Variants in KCNA4 observed in about 807,000 individuals in gnomAD.
The protein encoded by KCNA4 is cardiac potassium channel.
In KCNA4, 5 loss-of-function variants were observed where a neutral mutation model predicts 37.2. The ratio of observed to expected loss-of-function variants is 0.13; its 90% CI spans 0.07 to 0.28. The LOEUF (loss-of-function observed/expected upper bound fraction) is 0.28, where lower values mean the gene tolerates loss of function less well. Among genes scored for constraint, KCNA4 ranks in the 10% least tolerant of loss-of-function variants. The pLI, the probability that KCNA4 is intolerant of heterozygous loss-of-function variation, is 1.00. For missense variants in KCNA4, 634 were observed against 817.4 expected, an observed-to-expected ratio of 0.78 and a Z score of 2.74; for synonymous variants, 350 against 311.8, an observed-to-expected ratio of 1.12 and a Z score of -1.29.
In KCNA4 at chr11:30,011,464, G is replaced by A; in HGVS notation, c.1215C>T (p.Asn405=). The A allele has an allele frequency of 2.5e-6, 4 of 1,614,170 alleles. No homozygotes were observed. Among genetic ancestry groups the A allele is most frequent in the Admixed American group, 3.3e-5 (2 of 60,026 alleles). Residue 405 remains asparagine (N), a synonymous_variant, in exon 2 of 2, where the codon AAC becomes AAT. Transcript: ENST00000328224. This position sits in a 1 kb window ranked among gnomAD's most constrained non-coding sequence, Gnocchi z 5.6. ...SQALFFKNIM[N]IIDIVSILPY... ...GCAAAATGGAGACAATGTCAATGAT[G>A]TTCATGATGTTTTTGAAGAAGAGTG...
rs1216291541 is a variant in KCNA4 at position 30,010,723 on chromosome 11, A to C, written c.1956T>G (p.Asp652Glu). The change falls in exon 2 of 2, where the codon GAT becomes GAG. Residue 652 changes from aspartate to glutamate, a missense_variant. Physicochemically the swap from Asp to Glu is conservative, Grantham distance 45 (BLOSUM62 2). Coordinates refer to ENST00000328224, the MANE Select transcript of KCNA4 (RefSeq NM_002233.4). ...GTGGCAGGTGGAAAAAGATTCACACATCAGTCTCCACAGCCTTTGCATTAG... is the reference window on the plus strand; with the variant it reads ...GTGGCAGGTGGAAAAAGATTCACACCTCAGTCTCCACAGCCTTTGCATTAG... The part of the protein sequence containing the change: ...NCSNAKAVET[D>E]V 2 of 1,595,606 alleles carry C rather than the reference A, an allele frequency of 1.3e-6. No homozygotes were observed. Among genetic ancestry groups the C allele is most frequent in the East Asian group, 4.5e-5 (2 of 44,776 alleles).
chr11:30,015,201 G>A (rs1018370412), intron 1 of KCNA4, among the ~76,000 whole-genome samples: 1 of 152,116 alleles, frequency 6.6e-6, no homozygotes, highest in African/African-American at 2.4e-5. Flanking sequence ...ACTCTGAAAT[G>A]TTTACCCTCA....
intron 1 of KCNA4, among the ~76,000 whole-genome samples, chr11:30,016,104 C>T (rs1472807830): frequency 6.6e-6 from 1 of 152,072 alleles, no homozygotes; most frequent in Non-Finnish European, 1.5e-5. Context: ...TATGCAGCCC[C>T]TATGTATGTT....
rs769759686 is a variant in KCNA4, at chr11:30,011,220, T to C, written c.1459A>G (p.Ile487Val). The C allele has an allele frequency of 2.0e-5, 33 of 1,613,944 alleles. No individual in the cohort carries two copies. Among genetic ancestry groups the C allele is most frequent in the Non-Finnish European group, 2.7e-5 (32 of 1,180,030 alleles). The change falls in exon 2 of 2, where the codon ATT becomes GTT. Residue 487 changes from isoleucine (I) to valine (V), a missense_variant. Physicochemically the swap from Ile to Val is conservative, Grantham distance 29. Coordinates refer to ENST00000328224, the MANE Select transcript of KCNA4 (RefSeq NM_002233.4). The surrounding 1 kb of genome is among the most constrained non-coding windows in gnomAD (Gnocchi z 5.6). ...ELGLLIFFLF[I>V]GVILFSSAVY... ...GCACTAGAAAAGAGGATGACCCCAATGAAGAGGAAGAAGATCAGAAGGCCC... is the reference window on the plus strand; with the variant it reads ...GCACTAGAAAAGAGGATGACCCCAACGAAGAGGAAGAAGATCAGAAGGCCC...
intron 1 of KCNA4, among the ~76,000 whole-genome samples, chr11:30,014,315 T>C (rs1850332398): frequency 6.6e-6 from 1 of 152,128 alleles, no homozygotes; most frequent in African/African-American, 2.4e-5. Flanking sequence ...CATGTCCCCA[T>C]TGTTTTTCTG....
At chr11:30,013,729 G>T (rs1850327286) in intron 1 of KCNA4, among the ~76,000 whole-genome samples, 1 of 151,998 alleles carries the variant, frequency 6.6e-6, no homozygotes, top group Admixed American at 6.6e-5. Context: ...GGCCCACATG[G>T]CTCTTGCTTC....
In KCNA4 at chr11:30,012,592, C is replaced by T; in HGVS notation, c.87G>A (p.Glu29=). The change falls in exon 2 of 2, where the codon GAG becomes GAA. Residue 29 remains glutamate, a synonymous_variant. Coordinates refer to ENST00000328224, the MANE Select transcript of KCNA4 (RefSeq NM_002233.4). ...CCCTGGAGTGAGCAAGCCTCTCCCG[C>T]TCCCGGGCCCGGGCCTGGGCAGCAT... is the stretch of plus-strand genomic sequence containing the variant. ...YGYAAQARAR[E]RERLAHSRAA... The T allele has an allele frequency of 6.2e-7, 1 of 1,607,998 alleles. No individual in the cohort carries two copies. The highest frequency in any genetic ancestry group is 2.2e-5 in the East Asian group (1 of 44,812).
chr11:30,015,357 A>C (rs1042015219), intron 1 of KCNA4, among the ~76,000 whole-genome samples: 2 of 152,124 alleles, frequency 1.3e-5, no homozygotes, highest in Non-Finnish European at 2.9e-5. Flanking sequence ...AAACAATTAT[A>C]ATTTCAATGA....
chr11:30,013,995 T>G (rs1016979770), intron 1 of KCNA4, among the ~76,000 whole-genome samples: 2 of 152,228 alleles, frequency 1.3e-5, no homozygotes, highest in African/African-American at 4.8e-5. Flanking sequence ...TGAATGCACT[T>G]CAGTCACCTC....
chr11:30,015,294 G>T (rs762826449), intron 1 of KCNA4, among the ~76,000 whole-genome samples: 1 of 152,072 alleles, frequency 6.6e-6, no homozygotes, highest in East Asian at 1.9e-4. Flanking sequence ...TTTCAAGACC[G>T]GTACAGACCA....
In KCNA4 at chr11:30,012,834, GT is replaced by G; in HGVS notation, c.-157del. 1 of 1,156,156 alleles carries G rather than the reference GT, an allele frequency of 8.6e-7. No homozygotes were observed. Among genetic ancestry groups the G allele is most frequent in the Non-Finnish European group, 1.2e-6 (1 of 850,908 alleles). The allele number at this position is 1,156,156 out of a possible 1,614,324, so 71.6% of individuals were successfully genotyped here. A position where few individuals can be genotyped will look rare whatever the true frequency, so the allele number is the denominator to read the frequency against. On this transcript the variant is annotated 5_prime_UTR_variant, in exon 2 of 2. It removes the in-frame stop codon of an upstream open reading frame in the 5' UTR. Transcript: ENST00000328224. ...TTTTCAGTCCAACTTTGCATTTTCT[GT>G]TTTTAAATCAGCACGCCCCATGCTC...
chr11:30,011,397 C>T lies in KCNA4; in HGVS notation c.1282G>A (p.Gly428Arg). The T allele has an allele frequency of 6.2e-7, 1 of 1,614,100 alleles. No homozygotes were observed. Among genetic ancestry groups the T allele is most frequent in the South Asian group, 1.1e-5 (1 of 91,072 alleles). The change falls in exon 2 of 2, where the codon GGG becomes AGG. Residue 428 changes from glycine (G) to arginine (R), a missense_variant. Physicochemically the swap from Gly to Arg is moderately radical, Grantham distance 125 (BLOSUM62 -2). Around this residue, in one of 8 missense-constraint regions of KCNA4, gnomAD observed 252 missense variants for 344.2 expected, o/e 0.73. Transcript: ENST00000328224. This position sits in a 1 kb window ranked among gnomAD's most constrained non-coding sequence, Gnocchi z 5.6. ...TGCTGCTGCTGACCATTGCCACCCCCCTGTTGCTGGGCCAGGTCAGTGCCC... is the reference window on the plus strand; with the variant it reads ...TGCTGCTGCTGACCATTGCCACCCCTCTGTTGCTGGGCCAGGTCAGTGCCC... ...TLGTDLAQQQ[G>R]GGNGQQQQAM...
chr11:30,011,485 G>A lies in KCNA4; in HGVS notation c.1194C>T (p.Leu398=). The change falls in exon 2 of 2, where the codon CTC becomes CTT. Residue 398 remains leucine, a synonymous_variant. Coordinates refer to ENST00000328224, the MANE Select transcript of KCNA4 (RefSeq NM_002233.4). This position sits in a 1 kb window ranked among gnomAD's most constrained non-coding sequence, Gnocchi z 5.6. Reference sequence around the variant, plus strand: ...TGATGTTCATGATGTTTTTGAAGAAGAGTGCTTGGCTGGGACAAGCAAAGC... The same window carrying A: ...TGATGTTCATGATGTTTTTGAAGAAAAGTGCTTGGCTGGGACAAGCAAAGC... ...VRCFACPSQA[L]FFKNIMNIID... 6.2e-7 allele frequency: 1 copy of A among 1,614,136 alleles called. No homozygotes were observed. The highest frequency in any genetic ancestry group is 1.3e-5 in the African/African-American group (1 of 75,028).
Position 30,013,257 on chromosome 11 carries a change from T to C in KCNA4, c.-579A>G, listed in dbSNP as rs1328586702. On this transcript the variant is annotated 5_prime_UTR_variant, in exon 2 of 2. Coordinates refer to ENST00000328224, the MANE Select transcript of KCNA4 (RefSeq NM_002233.4). The stretch of plus-strand genomic sequence containing the variant: ...TCTACTCAAAGTCTATCAGGATGAT[T>C]CTCCAGGCTCTCCTTTTAAGTTCAT... The C allele has an allele frequency of 1.2e-5, 2 of 167,154 alleles. No homozygotes were observed. Among genetic ancestry groups the C allele is most frequent in the East Asian group, 3.9e-4 (2 of 5,194 alleles). 10.4% of individuals were successfully genotyped at this position (167,154 alleles called of 1,614,324 possible). A position where few individuals can be genotyped will look rare whatever the true frequency, so the allele number is the denominator to read the frequency against.
At chr11:30,016,300 G>A (rs969143095) in intron 1 of KCNA4, 1 of 151,836 alleles carries the variant, frequency 6.6e-6, no homozygotes, top group African/African-American at 2.4e-5. Flanking sequence ...TCCAGACCTC[G>A]GTTCCCGCTC....
Position 30,010,623 on chromosome 11 carries a change from G to T in KCNA4, c.*94C>A, listed in dbSNP as rs890575692. The T allele has an allele frequency of 1.3e-6, 2 of 1,508,282 alleles. No homozygotes were observed. The highest frequency in any genetic ancestry group is 1.8e-6 in the Non-Finnish European group (2 of 1,128,526). The allele number at this position is 1,508,282 out of a possible 1,614,324, so 93.4% of individuals were successfully genotyped here. A position where few individuals can be genotyped will look rare whatever the true frequency, so the allele number is the denominator to read the frequency against. The stretch of plus-strand genomic sequence containing the variant: ...AAATAGTGTACTACTGTATGCATTG[G>T]ATCATTTGCATATTTCATTTTCATA... On this transcript the variant is annotated 3_prime_UTR_variant, in exon 2 of 2. Transcript: ENST00000328224.
At position 30,016,851 on chromosome 11, in the gene KCNA4, G is replaced by A. The variant is rs1261740320; in HGVS notation, c.-1062C>T. On this transcript the variant is annotated 5_prime_UTR_variant, in exon 1 of 2. Coordinates refer to ENST00000328224, the MANE Select transcript of KCNA4 (RefSeq NM_002233.4). Reference sequence around the variant, plus strand: ...AGACCCCAAGACTCCTGGTTCCTCTGGAGTTCAGCACAGGAGGGATTGCCT... The same window carrying A: ...AGACCCCAAGACTCCTGGTTCCTCTAGAGTTCAGCACAGGAGGGATTGCCT... 2 of 397,762 alleles carry A rather than the reference G, an allele frequency of 5.0e-6. No individual in the cohort carries two copies. The highest frequency in any genetic ancestry group is 8.9e-6 in the Non-Finnish European group (2 of 225,696). 24.6% of individuals were successfully genotyped at this position (397,762 alleles called of 1,614,324 possible).
Position 30,012,415 on chromosome 11 carries a change from C to T in KCNA4, c.264G>A (p.Gln88=), listed in dbSNP as rs1176809730. 6.2e-7 allele frequency: 1 copy of T among 1,613,824 alleles called. No individual in the cohort carries two copies. The highest frequency in any genetic ancestry group is 1.3e-5 in the African/African-American group (1 of 74,938). ...SSRGSRRRRR[Q]RSEKKKAHYR... Reference sequence around the variant, plus strand: ...AGTGGGCTTTCTTCTTCTCAGACCGCTGTCGCCTCCTCCTCCGACTACCCC... The same window carrying T: ...AGTGGGCTTTCTTCTTCTCAGACCGTTGTCGCCTCCTCCTCCGACTACCCC... Residue 88 remains glutamine, a synonymous_variant, in exon 2 of 2, where the codon CAG becomes CAA. Transcript: ENST00000328224.
chr11:30,011,473 G>A lies in KCNA4; in HGVS notation c.1206C>T (p.Asn402=). Residue 402 remains asparagine (N), a synonymous_variant, in exon 2 of 2, where the codon AAC becomes AAT. Transcript: ENST00000328224. The surrounding 1 kb of genome is among the most constrained non-coding windows in gnomAD (Gnocchi z 5.6). Reference sequence around the variant, plus strand: ...AGACAATGTCAATGATGTTCATGATGTTTTTGAAGAAGAGTGCTTGGCTGG... The same window carrying A: ...AGACAATGTCAATGATGTTCATGATATTTTTGAAGAAGAGTGCTTGGCTGG... The part of the protein sequence containing the change: ...ACPSQALFFK[N]IMNIIDIVSI... The A allele has an allele frequency of 6.2e-7, 1 of 1,614,182 alleles. No individual in the cohort carries two copies. The highest frequency in any genetic ancestry group is 8.5e-7 in the Non-Finnish European group (1 of 1,180,038).
Sources: allele counts gnomAD v4.1 joint callset (sites outside exome capture counted in the v4.1 genomes callset), GRCh38; gene constraint gnomAD v4.1.1; regional missense constraint gnomAD v4.1.1; non-coding constraint Gnocchi (gnomAD v3.1); transcripts MANE v1.5; gene names NCBI Gene and HGNC (gene_info 2026-07-23, HGNC 2026-07-21).